The following CERKL variants were observed in gnomAD, a reference collection of about 807,000 sequenced individuals.
CERKL encodes CERK like autophagy regulator.
CERKL carries 61 observed loss-of-function variants against 63.4 expected under a neutral mutation model. That is an observed-to-expected ratio of 0.96 (90% CI 0.78 to 1.19). The LOEUF (loss-of-function observed/expected upper bound fraction) is 1.19, where lower values mean the gene tolerates loss of function less well. Ranked by LOEUF, CERKL falls within the 50% of genes most tolerant of loss-of-function variation. The pLI is 0.00. For synonymous variants in CERKL, 250 were observed against 230.5 expected (o/e 1.08, Z -0.77); for missense variants, 675 against 655.5 (o/e 1.03, Z -0.33).
chr2:181,637,114 G>GT (rs980255106), intron 1 of CERKL, among the ~76,000 whole-genome samples: 42 of 152,176 alleles, frequency 2.8e-4, no homozygotes, highest in African/African-American at 9.6e-4. Flanking sequence ...GTATCAGGCT[G>GT]TTTTTTTAAA....
chr2:181,596,767 A>C (rs755970976), intron 2 of CERKL, among the ~76,000 whole-genome samples: 130 of 152,168 alleles, frequency 8.5e-4, no homozygotes, highest in Non-Finnish European at 1.4e-3. Context: ...TTGGCTGTCC[A>C]TGGTACTTGG....
At chr2:181,609,947 A>G (rs1000726381) in intron 1 of CERKL, among the ~76,000 whole-genome samples, 1 of 152,088 alleles carries the variant, frequency 6.6e-6, no homozygotes, top group African/African-American at 2.4e-5. Context: ...CATAATATAC[A>G]CCAATATTTG....
chr2:181,596,237 C>G (rs1457707007), intron 2 of CERKL, among the ~76,000 whole-genome samples: 1 of 152,154 alleles, frequency 6.6e-6, no homozygotes, highest in Non-Finnish European at 1.5e-5. Flanking sequence ...TCTCAGGATA[C>G]TCTGTCAATG....
intron 2 of CERKL, among the ~76,000 whole-genome samples, chr2:181,594,260 C>A (rs1685104401): frequency 6.6e-6 from 1 of 152,150 alleles, no homozygotes; most frequent in Admixed American, 6.6e-5. Flanking sequence ...AGTCTTCTTA[C>A]AGTAGAAGTA....
chr2:181,650,977 A>G (rs1260562659), intron 1 of CERKL, among the ~76,000 whole-genome samples: 1 of 152,232 alleles, frequency 6.6e-6, no homozygotes, highest in Non-Finnish European at 1.5e-5. Flanking sequence ...TATCAAGATT[A>G]AGTTAGGAAG....
intron 2 of CERKL, among the ~76,000 whole-genome samples, chr2:181,584,274 G>A (rs1684664208): frequency 6.6e-6 from 1 of 152,106 alleles, no homozygotes; most frequent in Non-Finnish European, 1.5e-5. Context: ...CACTTTGAGA[G>A]GCTGAGGTAG....
chr2:181,606,605 C>T (rs1685731375), intron 1 of CERKL, among the ~76,000 whole-genome samples: 1 of 147,928 alleles, frequency 6.8e-6, no homozygotes, highest in Admixed American at 6.7e-5. Flanking sequence ...ACGGAAAGGC[C>T]TTTTTCTCAA....
chr2:181,587,914 A>G lies in CERKL; in HGVS notation c.482-14030T>C, dbSNP rs1304562845. On this transcript the variant is annotated intron_variant, in intron 2 of 12. Transcript: ENST00000410087. ...AAATAATTTTTAGCATTCCAAGAAC[A>G]TATGTTCCATTATAAAGAGTCGTGA... Among the ~76,000 whole-genome samples, 3 of 152,186 alleles carry G rather than the reference A, an allele frequency of 2.0e-5. No homozygotes were observed. In the East Asian group the frequency reaches 5.8e-4, roughly 29 times the overall value.
chr2:181,655,204 G>C (rs1688106104), intron 1 of CERKL, among the ~76,000 whole-genome samples: 1 of 152,034 alleles, frequency 6.6e-6, no homozygotes, highest in Non-Finnish European at 1.5e-5. Context: ...TACTGCCAGG[G>C]GTGCACTAAT....
chr2:181,562,879 CA>C (rs1248439376), intron 4 of CERKL, among the ~76,000 whole-genome samples: 1 of 151,784 alleles, frequency 6.6e-6, no homozygotes, highest in African/African-American at 2.4e-5. Flanking sequence ...CTAAGTAATA[CA>C]GATATGTTCA....
At chr2:181,578,918 C>T (rs1054360281) in intron 2 of CERKL, among the ~76,000 whole-genome samples, 22 of 151,930 alleles carry the variant, frequency 1.4e-4, no homozygotes, top group African/African-American at 5.1e-4. Flanking sequence ...AATGGACAAA[C>T]TTCTGGAAGT....
intron 1 of CERKL, among the ~76,000 whole-genome samples, chr2:181,639,220 T>C (rs1268069846): frequency 6.6e-6 from 1 of 152,172 alleles, no homozygotes; most frequent in African/African-American, 2.4e-5. Context: ...TGCTTACAGA[T>C]GAAATTATAT....
chr2:181,589,546 C>A (rs1355203808), intron 2 of CERKL, among the ~76,000 whole-genome samples: 1 of 152,110 alleles, frequency 6.6e-6, no homozygotes, highest in Non-Finnish European at 1.5e-5. Context: ...GTCTTTAATT[C>A]ATTTTGTTCC....
intron 1 of CERKL, among the ~76,000 whole-genome samples, chr2:181,613,002 G>A (rs72885350): frequency 0.14 from 21,678 of 151,978 alleles, 1,733 homozygotes; most frequent in East Asian, 0.26. Flanking sequence ...TTTTTTTGGT[G>A]TGTTGTAAGA....
At chr2:181,562,484 A>C (rs1162314710) in intron 4 of CERKL, among the ~76,000 whole-genome samples, 1 of 152,216 alleles carries the variant, frequency 6.6e-6, no homozygotes, top group Non-Finnish European at 1.5e-5. Context: ...TTTCATCAAC[A>C]GCTTCTTACA....
At position 181,538,107 on chromosome 2, in the gene CERKL, C is replaced by T; in HGVS notation, c.*77G>A. On this transcript the variant is annotated 3_prime_UTR_variant, in exon 13 of 13. Coordinates refer to ENST00000410087, the MANE Select transcript of CERKL (RefSeq NM_201548.5). The stretch of plus-strand genomic sequence containing the variant: ...AAACTGGTCCCAAAAAGGGTGGGGA[C>T]CACAGGTTTAAAGCATGGCCACATT... 1 of 999,094 alleles carries T rather than the reference C, an allele frequency of 1.0e-6. No homozygotes were observed. Among genetic ancestry groups the T allele is most frequent in the South Asian group, 1.3e-5 (1 of 76,212 alleles). The allele number at this position is 999,094 out of a possible 1,614,324, so 61.9% of individuals were successfully genotyped here.
intron 5 of CERKL, among the ~76,000 whole-genome samples, chr2:181,552,954 G>A (rs1448960208): frequency 6.6e-6 from 1 of 152,150 alleles, no homozygotes; most frequent in African/African-American, 2.4e-5. Context: ...ATCCCCAGGT[G>A]GTTTGTATGC....
chr2:181,644,890 T>C (rs1405685804), intron 1 of CERKL, among the ~76,000 whole-genome samples: 1 of 152,182 alleles, frequency 6.6e-6, no homozygotes, highest in Non-Finnish European at 1.5e-5. Flanking sequence ...TGTAGAGAAC[T>C]AGTTTTGTAA....
intron 1 of CERKL, among the ~76,000 whole-genome samples, chr2:181,607,963 G>A (rs971355275): frequency 1.3e-5 from 2 of 152,164 alleles, no homozygotes; most frequent in African/African-American, 4.8e-5. Context: ...AAATCAGCTA[G>A]TCAAACAATT....
Sources: gnomAD v4.1 joint callset for allele counts (sites outside exome capture counted in the v4.1 genomes callset) on GRCh38, gnomAD v4.1.1 for gene constraint, MANE v1.5 for transcripts, NCBI Gene and HGNC (gene_info 2026-07-23, HGNC 2026-07-21) for gene names.